SCN7A: variants seen among roughly 807,000 people sequenced by gnomAD.
SCN7A encodes sodium voltage-gated channel alpha subunit 7.
In SCN7A, 138 loss-of-function variants were observed where a neutral mutation model predicts 155.2. The ratio of observed to expected loss-of-function variants is 0.89; its 90% CI spans 0.77 to 1.02. SCN7A has a LOEUF of 1.02. SCN7A is among the 50% of genes least tolerant of loss of function. The pLI is 0.00. For synonymous variants in SCN7A, 693 were observed against 649.0 expected (o/e 1.07, Z -1.03); for missense variants, 2,058 against 1,986.6 (o/e 1.04, Z -0.68).
At chr2:166,465,576 T>A in intron 8 of SCN7A, 45 bp from the exon 9 acceptor site, 1 of 1,423,348 alleles carries the variant, frequency 7.0e-7, no homozygotes, top group Non-Finnish European at 9.8e-7. Flanking sequence ...AATTATGAGT[T>A]AGCACCACAG....
intron 10 of SCN7A, among the ~76,000 whole-genome samples, chr2:166,460,960 T>C (rs954487776): frequency 3.3e-5 from 5 of 150,610 alleles, no homozygotes; most frequent in Non-Finnish European, 5.9e-5. Context: ...CTGAATCTTA[T>C]CAAAGAGACT....
intron 20 of SCN7A, among the ~76,000 whole-genome samples, chr2:166,418,462 T>C (rs1053518705): frequency 6.6e-6 from 1 of 151,440 alleles, no homozygotes; most frequent in Non-Finnish European, 1.5e-5. Context: ...GATTTCCCTC[T>C]CCTGACCTTC....
intron 7 of SCN7A, among the ~76,000 whole-genome samples, chr2:166,470,021 T>C (rs772652972): frequency 1.3e-5 from 2 of 151,920 alleles, no homozygotes; most frequent in Non-Finnish European, 2.9e-5. Context: ...CTAATTGTCC[T>C]TATTCATTCA....
intron 1 of SCN7A, among the ~76,000 whole-genome samples, chr2:166,490,814 C>T (rs1335396986): frequency 6.6e-6 from 1 of 152,206 alleles, no homozygotes. Flanking sequence ...CCCTGCAACT[C>T]TCCCAAAAGC....
At chr2:166,478,517 T>A (rs1370552630) in intron 2 of SCN7A, among the ~76,000 whole-genome samples, 2 of 151,766 alleles carry the variant, frequency 1.3e-5, no homozygotes, top group Admixed American at 1.3e-4. Flanking sequence ...TATAGTAAAT[T>A]CACCAATGGC....
intron 7 of SCN7A, among the ~76,000 whole-genome samples, chr2:166,469,662 C>A (rs953584884): frequency 4.0e-5 from 6 of 151,684 alleles, no homozygotes; most frequent in African/African-American, 1.5e-4. Flanking sequence ...TTTAATAATT[C>A]TTACCTCTAG....
intron 18 of SCN7A, among the ~76,000 whole-genome samples, chr2:166,427,471 GAA>G (rs1427814038): frequency 1.3e-5 from 2 of 151,922 alleles, no homozygotes; most frequent in Non-Finnish European, 2.9e-5. Context: ...TTTCATACAT[GAA>G]AATTCATTAA....
intron 18 of SCN7A, among the ~76,000 whole-genome samples, chr2:166,425,319 G>C (rs930352332): frequency 6.6e-6 from 1 of 152,112 alleles, no homozygotes; most frequent in Admixed American, 6.6e-5. Context: ...TAAGGAAGGA[G>C]AAGGATTGTA....
intron 13 of SCN7A, 49 bp downstream of exon 13, chr2:166,444,713 T>C: frequency 9.3e-7 from 1 of 1,077,272 alleles, no homozygotes; most frequent in East Asian, 2.6e-5. Context: ...AAAAGTTCAA[T>C]GATAACTAAG....
At chr2:166,462,088 CAAAAAAAAAAA>C (rs71031248) in intron 10 of SCN7A, 1 of 68,050 alleles carries the variant, frequency 1.5e-5, no homozygotes, top group Non-Finnish European at 2.7e-5. Flanking sequence ...GACTCCGTCT[CAAAAAAAAAAA>C]AAAAAAAAAA....
In SCN7A at chr2:166,406,487, A is replaced by T. The variant is rs895123316; in HGVS notation, c.4142T>A (p.Leu1381Ter). The T allele has an allele frequency of 1.2e-6, 2 of 1,612,960 alleles. No homozygotes were observed. Among genetic ancestry groups the T allele is most frequent in the Non-Finnish European group, 1.7e-6 (2 of 1,179,336 alleles). ...CAGGAAGATGAGAAGAATGATGTTC[A>T]ATAATGCTGGGAGGGACAGCATCAA... is the stretch of plus-strand genomic sequence containing the variant. ...LPLMLSLPALLNIILLIFLVM... is the reference protein window; with the variant it reads ...LPLMLSLPAL Residue 1381 changes from leucine (L) to a stop codon, truncating the protein, a stop_gained, in exon 26 of 26, where the codon TTG becomes TAG. Coordinates refer to ENST00000643258, the MANE Select transcript of SCN7A (RefSeq NM_002976.4). LOFTEE classifies it high-confidence loss of function.
intron 21 of SCN7A, among the ~76,000 whole-genome samples, 200 bp from the exon 22 acceptor site, chr2:166,413,321 A>C (rs1408630694): frequency 6.6e-6 from 1 of 152,102 alleles, no homozygotes; most frequent in Non-Finnish European, 1.5e-5. Flanking sequence ...ATAGTTAATA[A>C]CAAAATATTT....
In SCN7A at chr2:166,413,998, TATATAA is replaced by T. The variant is rs1386081782; in HGVS notation, c.3415-883_3415-878del. Among the ~76,000 whole-genome samples the T allele has an allele frequency of 1.7e-3, 174 of 100,168 alleles. 13 individuals carry two copies. The East Asian group carries it at 0.02, about 11-fold the overall frequency. 65.7% of individuals were successfully genotyped at this position (100,168 alleles called of 152,430 possible). Reference sequence around the variant, plus strand: ...GTGTATGTGTATATATATATATATATATATAAATATACTATATATATGTAAATATAT... The same window carrying T: ...GTGTATGTGTATATATATATATATATATATACTATATATATGTAAATATAT... On this transcript the variant is annotated intron_variant, in intron 21 of 25. Coordinates refer to ENST00000643258, the MANE Select transcript of SCN7A (RefSeq NM_002976.4).
At position 166,456,827 on chromosome 2, in the gene SCN7A, TATAGATAGATAG is replaced by T. The variant is rs768632050; in HGVS notation, c.1290+31_1290+42del. The stretch of plus-strand genomic sequence containing the variant: ...AAATATATATATATATATATATATA[TATAGATAGATAG>T]ATAGATAGATAGATAGATAGATATA... On this transcript the variant is annotated intron_variant, in intron 11 of 25. Transcript: ENST00000643258. The T allele has an allele frequency of 9.3e-4, 592 of 639,124 alleles. 4 individuals carry two copies. The highest frequency in any genetic ancestry group is 1.3e-3 in the East Asian group (31 of 24,232). The allele number at this position is 639,124 out of a possible 1,614,324, so 39.6% of individuals were successfully genotyped here. A position where few individuals can be genotyped will look rare whatever the true frequency, so the allele number is the denominator to read the frequency against.
intron 10 of SCN7A, among the ~76,000 whole-genome samples, chr2:166,460,444 G>T (rs565313902): frequency 1.3e-5 from 2 of 151,974 alleles, no homozygotes; most frequent in South Asian, 4.2e-4. Context: ...TTTTTTCTCA[G>T]ATAGATAAAA....
intron 11 of SCN7A, among the ~76,000 whole-genome samples, chr2:166,455,497 G>GC (rs1401200910): frequency 2.0e-5 from 3 of 152,146 alleles, no homozygotes; most frequent in African/African-American, 7.2e-5. Flanking sequence ...TCAGCACTGG[G>GC]CAAACATGGA....
rs1001910522 is a variant in SCN7A at position 166,404,486 on chromosome 2, C to T, written c.*1094G>A. On this transcript the variant is annotated 3_prime_UTR_variant, in exon 26 of 26. Coordinates refer to ENST00000643258, the MANE Select transcript of SCN7A (RefSeq NM_002976.4). ...AACAACAAATTTAAACTTTTATCTC[C>T]TAATTCATAGTTCTCATAGTTTGAG... is the stretch of plus-strand genomic sequence containing the variant. The T allele has an allele frequency of 6.6e-6, 1 of 151,806 alleles. No individual in the cohort carries two copies. The highest frequency in any genetic ancestry group is 6.6e-5 in the Admixed American group (1 of 15,196). The allele number at this position is 151,806 out of a possible 1,614,324, so 9.4% of individuals were successfully genotyped here. A position where few individuals can be genotyped will look rare whatever the true frequency, so the allele number is the denominator to read the frequency against.
intron 11 of SCN7A, among the ~76,000 whole-genome samples, chr2:166,450,950 T>G (rs16852148): frequency 0.13 from 20,469 of 152,132 alleles, 1,427 homozygotes; most frequent in East Asian, 0.22. Flanking sequence ...TAGAAGTAAT[T>G]TTTTGTTATT....
Position 166,414,279 on chromosome 2 carries a change from T to TATATATAAATATAG in SCN7A, c.3415-1159_3415-1158insCTATATTTATATAT, listed in dbSNP as rs1701302971. On this transcript the variant is annotated intron_variant, in intron 21 of 25. Transcript: ENST00000643258. ...AGATATATATACACACACATATATA[T>TATATATAAATATAG]ATATATACACACACATATATATATA... Among the ~76,000 whole-genome samples the TATATATAAATATAG allele has an allele frequency of 6.4e-5, 2 of 31,448 alleles. 1 individual carries two copies. Among genetic ancestry groups the TATATATAAATATAG allele is most frequent in the Non-Finnish European group, 1.1e-4 (2 of 17,510 alleles). 20.6% of individuals were successfully genotyped at this position (31,448 alleles called of 152,430 possible).
Sources: allele counts gnomAD v4.1 joint callset (sites outside exome capture counted in the v4.1 genomes callset), GRCh38; gene constraint gnomAD v4.1.1; transcripts MANE v1.5; gene names NCBI Gene and HGNC (gene_info 2026-07-23, HGNC 2026-07-21).